NPHP4: variants seen among roughly 807,000 people sequenced by gnomAD.
The protein encoded by NPHP4 is nephrocystin 4, also known as nephrocystin-4.
Under a neutral mutation model 155.8 loss-of-function variants are expected in NPHP4, and 151 were observed. The observed-to-expected ratio is 0.97, with a 90% confidence interval of 0.85 to 1.11. The LOEUF (loss-of-function observed/expected upper bound fraction) is 1.11. NPHP4 is among the 50% of genes least tolerant of loss of function. The pLI, the probability that NPHP4 is intolerant of heterozygous loss-of-function variation, is 0.00. For synonymous variants in NPHP4, 845 were observed against 816.8 expected, an observed-to-expected ratio of 1.03 and a Z score of -0.59; for missense variants, 1,956 against 1,925.7, an observed-to-expected ratio of 1.02 and a Z score of -0.29.
rs959240 is a variant in NPHP4, at chr1:5,875,341, C to T, written c.2818-241G>A. Reference sequence around the variant, plus strand: ...TGTGTCCCTGACACGGAGGTCCACACAGCATCCCTGCCTATTCCTGAGAGA... The same window carrying T: ...TGTGTCCCTGACACGGAGGTCCACATAGCATCCCTGCCTATTCCTGAGAGA... On this transcript the variant is annotated intron_variant, in intron 20 of 29. Coordinates refer to ENST00000378156, the MANE Select transcript of NPHP4 (RefSeq NM_015102.5). Among the ~76,000 whole-genome samples the T allele has an allele frequency of 0.35, 53,655 of 151,914 alleles. 11,003 individuals carry two copies. The highest frequency in any genetic ancestry group is 0.57 in the African/African-American group (23,677 of 41,388).
chr1:5,919,095 C>A (rs1645611662), intron 11 of NPHP4, among the ~76,000 whole-genome samples: 1 of 152,212 alleles, frequency 6.6e-6, no homozygotes, highest in South Asian at 2.1e-4. Flanking sequence ...AACGTATCGC[C>A]TATATATACC....
intron 2 of NPHP4, among the ~76,000 whole-genome samples, chr1:5,979,713 G>A (rs572020562): frequency 3.2e-4 from 48 of 152,052 alleles, no homozygotes; most frequent in African/African-American, 9.6e-4. Context: ...TGTAGAGAGT[G>A]GGTTTTGCCA....
intron 2 of NPHP4, among the ~76,000 whole-genome samples, chr1:5,979,460 G>C (rs1654288083): frequency 6.6e-6 from 1 of 152,186 alleles, no homozygotes; most frequent in Non-Finnish European, 1.5e-5. Context: ...CAAACTCAAA[G>C]GTCCTGAGAG....
intron 18 of NPHP4, among the ~76,000 whole-genome samples, chr1:5,884,915 A>AAACC (rs1643645352): frequency 1.8e-5 from 2 of 109,598 alleles, no homozygotes; most frequent in South Asian, 3.3e-4. Context: ...TCCCAGCCAA[A>AAACC]CCCGTCCTAC....
In NPHP4 at chr1:5,918,101, C is replaced by T. The variant is rs367700060; in HGVS notation, c.1442-8888G>A. On this transcript the variant is annotated intron_variant, in intron 11 of 29. Coordinates refer to ENST00000378156, the MANE Select transcript of NPHP4 (RefSeq NM_015102.5). Reference sequence around the variant, plus strand: ...AAATTCGACTAATACCCTCTAAGAACAGTAGCAGGGAAGGAAGGAATCAGA... The same window carrying T: ...AAATTCGACTAATACCCTCTAAGAATAGTAGCAGGGAAGGAAGGAATCAGA... 4.6e-5 allele frequency among the ~76,000 whole-genome samples: 7 copies of T among 152,114 alleles called. No homozygotes were observed. The East Asian group carries it at 5.8e-4, about 13-fold the overall frequency.
intron 3 of NPHP4, among the ~76,000 whole-genome samples, chr1:5,975,102 ATGC>A (rs2102326580): frequency 6.6e-6 from 1 of 152,326 alleles, no homozygotes; most frequent in South Asian, 2.1e-4. Context: ...GGGTGCGAAC[ATGC>A]TGCCACACCC....
At chr1:5,904,382 A>G (rs1644813597) in intron 16 of NPHP4, among the ~76,000 whole-genome samples, 1 of 152,222 alleles carries the variant, frequency 6.6e-6, no homozygotes, top group African/African-American at 2.4e-5. Context: ...TCATACATGA[A>G]ATTATATAAT....
intron 10 of NPHP4, among the ~76,000 whole-genome samples, chr1:5,932,093 G>T (rs1200118088): frequency 1.3e-5 from 2 of 152,074 alleles, no homozygotes; most frequent in Non-Finnish European, 2.9e-5. Context: ...AAATGCTAAG[G>T]ATCATCTAAG....
intron 9 of NPHP4, among the ~76,000 whole-genome samples, chr1:5,934,695 C>G (rs116016923): frequency 6.6e-6 from 1 of 152,202 alleles, no homozygotes; most frequent in Non-Finnish European, 1.5e-5. Flanking sequence ...CAGGCAGCAT[C>G]GCAAGCGCAG....
rs35641267 is a variant in NPHP4, at chr1:5,863,367, A to G, written c.4179T>C (p.Phe1393=). The change falls in exon 30 of 30, where the codon TTT becomes TTC. Residue 1393 remains phenylalanine, a synonymous_variant. Coordinates refer to ENST00000378156, the MANE Select transcript of NPHP4 (RefSeq NM_015102.5). ...CCTCACCCACTCTCTGACTAGGCGC[A>G]AACTGCAAGCCGATGGTGTAGGTCT... is the stretch of plus-strand genomic sequence containing the variant. ...GGETYTIGLQ[F]APSQRVGEEE... The G allele has an allele frequency of 6.2e-7, 1 of 1,614,000 alleles. No homozygotes were observed. Among genetic ancestry groups the G allele is most frequent in the Non-Finnish European group, 8.5e-7 (1 of 1,179,874 alleles).
At chr1:5,981,351 G>A (rs1654659199) in intron 2 of NPHP4, among the ~76,000 whole-genome samples, 1 of 152,138 alleles carries the variant, frequency 6.6e-6, no homozygotes, top group Non-Finnish European at 1.5e-5. Flanking sequence ...ACACAGTATA[G>A]GGCAGAGTCA....
intron 6 of NPHP4, among the ~76,000 whole-genome samples, chr1:5,957,819 CA>C (rs1649535616): frequency 6.6e-6 from 1 of 152,186 alleles, no homozygotes; most frequent in Non-Finnish European, 1.5e-5. Flanking sequence ...ATGATTTAAG[CA>C]GGAATGAAAA....
intron 16 of NPHP4, among the ~76,000 whole-genome samples, chr1:5,899,053 C>A (rs564515169): frequency 6.6e-6 from 1 of 152,176 alleles, no homozygotes; most frequent in African/African-American, 2.4e-5. Context: ...GAGGACATGG[C>A]GCTGTCTGGG....
chr1:5,908,912 CA>C, intron 12 of NPHP4, among the ~76,000 whole-genome samples: 1 of 152,308 alleles, frequency 6.6e-6, no homozygotes, highest in East Asian at 1.9e-4. Flanking sequence ...GGAGACGCCC[CA>C]TACAGCAGCA....
intron 18 of NPHP4, among the ~76,000 whole-genome samples, chr1:5,886,028 A>T (rs545307014): frequency 1.3e-5 from 2 of 152,356 alleles, no homozygotes; most frequent in African/African-American, 4.8e-5. Context: ...AATTGGAGAT[A>T]ACATATAATG....
chr1:5,951,123 A>G (rs6658969), intron 7 of NPHP4, among the ~76,000 whole-genome samples: 27,344 of 152,222 alleles, frequency 0.18, 2,531 homozygotes, highest in African/African-American at 0.22. Flanking sequence ...CCAAGATGTG[A>G]TTAGCACAAA....
chr1:5,889,887 T>C lies in NPHP4; in HGVS notation c.2304+981A>G, dbSNP rs1314145176. Among the ~76,000 whole-genome samples, 1 of 152,124 alleles carries C rather than the reference T, an allele frequency of 6.6e-6. No homozygotes were observed. The highest frequency in any genetic ancestry group is 2.4e-5 in the African/African-American group (1 of 41,432). On this transcript the variant is annotated intron_variant, in intron 17 of 29. Transcript: ENST00000378156. This position sits in a 1 kb window ranked among gnomAD's most constrained non-coding sequence, Gnocchi z 4.2. ...ACGTTCTGTGCACAGCCCACCACCC[T>C]GGGGGGCATCCCCCTCCTCTAGAAG...
intron 10 of NPHP4, among the ~76,000 whole-genome samples, chr1:5,930,863 A>G (rs1646238500): frequency 6.6e-6 from 1 of 152,198 alleles, no homozygotes; most frequent in Admixed American, 6.5e-5. Context: ...CTTAGAGAGG[A>G]TGCTGAAGTC....
intron 2 of NPHP4, among the ~76,000 whole-genome samples, chr1:5,983,402 A>C (rs1484635794): frequency 6.6e-6 from 1 of 152,204 alleles, no homozygotes; most frequent in Non-Finnish European, 1.5e-5. Flanking sequence ...CTGTTTATGT[A>C]CTGTGGCTTA....
Sources: gnomAD v4.1 joint callset for allele counts (sites outside exome capture counted in the v4.1 genomes callset) on GRCh38, gnomAD v4.1.1 for gene constraint, Gnocchi (gnomAD v3.1) non-coding constraint, MANE v1.5 for transcripts, NCBI Gene and HGNC (gene_info 2026-07-23, HGNC 2026-07-21) for gene names.